Variants in CNGA1 observed in about 807,000 individuals in gnomAD.
The protein encoded by CNGA1 is cyclic nucleotide-gated channel alpha-1.
Under a neutral mutation model 69.7 loss-of-function variants are expected in CNGA1, and 53 were observed. The ratio of observed to expected loss-of-function variants is 0.76; its 90% CI spans 0.61 to 0.96. The LOEUF (loss-of-function observed/expected upper bound fraction) is 0.96, where lower values mean the gene tolerates loss of function less well. Ranked by LOEUF, CNGA1 falls within the 40% of genes least tolerant of loss-of-function variation. The probability of loss-of-function intolerance (pLI) is 0.00; values close to 1 mark genes in which losing one functional copy is unlikely to be tolerated. For missense variants in CNGA1, 739 were observed against 811.2 expected, an observed-to-expected ratio of 0.91 and a Z score of 1.08; for synonymous variants, 249 against 283.5, an observed-to-expected ratio of 0.88 and a Z score of 1.22.
Position 47,937,618 on chromosome 4 carries a change from T to G in CNGA1, c.864A>C (p.Thr288=), listed in dbSNP as rs760864470. 36 of 1,614,092 alleles carry G rather than the reference T, an allele frequency of 2.2e-5. No homozygotes were observed. Among genetic ancestry groups the G allele is most frequent in the Non-Finnish European group, 2.8e-5 (33 of 1,180,046 alleles). ...FEFFQRTETR[T]NYPNIFRISN... The stretch of plus-strand genomic sequence containing the variant: ...AAATCCTGAAGATGTTTGGATAGTT[T>G]GTCCTTGTTTCTGTTCTCTGGAAGA... Residue 288 remains threonine (T), a synonymous_variant, in exon 11 of 11, where the codon ACA becomes ACC. Transcript: ENST00000514170.
chr4:47,983,946 A>G (rs1741861864), intron 2 of CNGA1, among the ~76,000 whole-genome samples: 1 of 152,210 alleles, frequency 6.6e-6, no homozygotes, highest in Non-Finnish European at 1.5e-5. Flanking sequence ...GGCAACTAAA[A>G]GTACAGTATA....
intron 3 of CNGA1, chr4:47,971,145 C>T: frequency 4.5e-6 from 2 of 445,750 alleles, no homozygotes; most frequent in Non-Finnish European, 8.9e-6. Flanking sequence ...AGGAAATATA[C>T]ATATATATGT....
In CNGA1 at chr4:47,937,308, T is replaced by C. The variant is rs562266812; in HGVS notation, c.1174A>G (p.Ile392Val). 64 of 1,613,914 alleles carry C rather than the reference T, an allele frequency of 4.0e-5. 1 individual carries two copies. In the South Asian group the frequency reaches 6.4e-4, roughly 16 times the overall value. The change falls in exon 11 of 11, where the codon ATA (isoleucine) becomes GTA (valine). Residue 392 changes from isoleucine to valine, a missense_variant. Transcript: ENST00000514170. ...TTCATGTTGGAAATCATAGAACCTA[T>C]GTTACCAACGATGGTAGCAAAAATT... ...VLIFATIVGN[I>V]GSMISNMNAA...
chr4:47,949,636 G>T (rs1739623189), intron 6 of CNGA1, among the ~76,000 whole-genome samples, 197 bp downstream of exon 6: 1 of 152,128 alleles, frequency 6.6e-6, no homozygotes, highest in African/African-American at 2.4e-5. Context: ...GAACACTATA[G>T]ACATGATTTT....
intron 2 of CNGA1, among the ~76,000 whole-genome samples, chr4:48,006,564 A>AT (rs1204958602): frequency 6.6e-6 from 1 of 152,134 alleles, no homozygotes; most frequent in Non-Finnish European, 1.5e-5. Flanking sequence ...CAAATATGTC[A>AT]TTTTTTGACA....
chr4:47,997,859 T>C (rs975828041), intron 2 of CNGA1, among the ~76,000 whole-genome samples: 106 of 152,340 alleles, frequency 7.0e-4, no homozygotes, highest in African/African-American at 2.5e-3. Context: ...AGATGCTTCT[T>C]GACTTAAAAT....
intron 3 of CNGA1, among the ~76,000 whole-genome samples, chr4:47,962,432 A>T (rs1182785529): frequency 2.7e-5 from 4 of 149,886 alleles, no homozygotes; most frequent in Non-Finnish European, 5.9e-5. Flanking sequence ...GAAAAAAAAA[A>T]GTATACGTTT....
At chr4:47,977,266 G>A (rs895391797) in intron 3 of CNGA1, among the ~76,000 whole-genome samples, 2 of 152,100 alleles carry the variant, frequency 1.3e-5, no homozygotes, top group African/African-American at 2.4e-5. Flanking sequence ...AAGAGGAAAC[G>A]TGGACATACA....
intron 3 of CNGA1, among the ~76,000 whole-genome samples, chr4:47,980,169 C>T (rs770976936): frequency 7.9e-5 from 12 of 152,140 alleles, no homozygotes; most frequent in East Asian, 1.9e-4. Context: ...GGGAAAATGA[C>T]AATGAAATGA....
In CNGA1 at chr4:47,937,517, C is replaced by T; in HGVS notation, c.965G>A (p.Gly322Glu). 1 of 1,614,122 alleles carries T rather than the reference C, an allele frequency of 6.2e-7. No individual in the cohort carries two copies. Among genetic ancestry groups the T allele is most frequent in the Admixed American group, 1.7e-5 (1 of 60,014 alleles). ...CVFYSISKAI[G>E]FGNDTWVYPD... ...GTAGACCCATGTATCATTTCCAAAT[C>T]CAATAGCTTTAGAAATAGAGTAGAA... The change falls in exon 11 of 11, where the codon GGA becomes GAA. Residue 322 changes from glycine to glutamate, a missense_variant. Transcript: ENST00000514170.
rs113775409 is a variant in CNGA1 at position 47,980,805 on chromosome 4, G to A, written c.-15+588C>T. Among the ~76,000 whole-genome samples, 435 of 152,066 alleles carry A rather than the reference G, an allele frequency of 2.9e-3. 1 individual carries two copies. Among genetic ancestry groups the A allele is most frequent in the African/African-American group, 9.8e-3 (408 of 41,480 alleles). ...TGTTTTTTCTGATTAAAATATACAC[G>A]CTTATCACAGTTATTTAAAAGAAGG... On this transcript the variant is annotated intron_variant, in intron 3 of 10. Transcript: ENST00000514170.
At chr4:47,967,012 G>A (rs747928912) in intron 3 of CNGA1, among the ~76,000 whole-genome samples, 3 of 151,984 alleles carry the variant, frequency 2.0e-5, no homozygotes, top group Admixed American at 6.6e-5. Context: ...ATAATCTACA[G>A]TTAACATTGG....
chr4:47,988,422 A>AT (rs927257662), intron 2 of CNGA1, among the ~76,000 whole-genome samples: 5 of 151,964 alleles, frequency 3.3e-5, no homozygotes, highest in Admixed American at 1.3e-4. Context: ...ACACTTCTGT[A>AT]TTTTTTTTAC....
chr4:47,940,753 A>G lies in CNGA1; in HGVS notation c.652+10T>C, dbSNP rs1393140785. The G allele has an allele frequency of 6.7e-7, 1 of 1,495,290 alleles. No homozygotes were observed. Among genetic ancestry groups the G allele is most frequent in the South Asian group, 1.1e-5 (1 of 88,058 alleles). The allele number at this position is 1,495,290 out of a possible 1,614,324, so 92.6% of individuals were successfully genotyped here. ...GAAATTTTAAAATATTCAAAACTGA[A>G]CATATTTACCTGTCCTTGTTCGTAC... On this transcript the variant is annotated intron_variant, in intron 10 of 10. Coordinates refer to ENST00000514170, the MANE Select transcript of CNGA1 (RefSeq NM_001379270.1).
rs766717829 is a variant in CNGA1 at position 47,936,713 on chromosome 4, A to G, written c.1769T>C (p.Met590Thr). The G allele has an allele frequency of 5.6e-6, 9 of 1,614,176 alleles. No homozygotes were observed. The Admixed American group carries it at 1.5e-4, about 27-fold the overall frequency. The change falls in exon 11 of 11, where the codon ATG becomes ACG. Residue 590 changes from methionine to threonine, a missense_variant. Met to Thr is a moderately conservative substitution (Grantham distance 81). Coordinates refer to ENST00000514170, the MANE Select transcript of CNGA1 (RefSeq NM_001379270.1). The stretch of plus-strand genomic sequence containing the variant: ...AATCTGCTTCCCTTTCTCTTCCAGC[A>G]TAGTTTTGGCATCTGGGTACTCAGT... ...ALTEYPDAKT[M>T]LEEKGKQILM...
chr4:47,954,061 T>C (rs1739909554), intron 3 of CNGA1, among the ~76,000 whole-genome samples: 1 of 151,810 alleles, frequency 6.6e-6, no homozygotes, highest in Non-Finnish European at 1.5e-5. Context: ...CGGCTGAATG[T>C]CGAGAGGAAC....
chr4:47,996,550 G>C (rs912316172), intron 2 of CNGA1, among the ~76,000 whole-genome samples: 1 of 151,982 alleles, frequency 6.6e-6, no homozygotes, highest in Non-Finnish European at 1.5e-5. Flanking sequence ...ACCAGGCCTG[G>C]CACAAATTGA....
intron 2 of CNGA1, among the ~76,000 whole-genome samples, chr4:48,002,709 A>G (rs1367037710): frequency 6.6e-6 from 1 of 151,878 alleles, no homozygotes. Flanking sequence ...ACAAAAACAA[A>G]AAACCCTGAA....
chr4:47,971,669 G>A lies in CNGA1; in HGVS notation c.-15+9724C>T, dbSNP rs376094432. 5.6e-4 allele frequency among the ~76,000 whole-genome samples: 86 copies of A among 152,220 alleles called. 2 individuals are homozygous for A. The East Asian group carries it at 0.014, about 24-fold the overall frequency. On this transcript the variant is annotated intron_variant, in intron 3 of 10. Coordinates refer to ENST00000514170, the MANE Select transcript of CNGA1 (RefSeq NM_001379270.1). ...CAAACTTTGGGAGGCCAAGGTGGGC[G>A]GATCATTTGAGGTAAGGAGTTTCAG...
Sources: allele counts gnomAD v4.1 joint callset (sites outside exome capture counted in the v4.1 genomes callset), GRCh38; gene constraint gnomAD v4.1.1; transcripts MANE v1.5; gene names NCBI Gene and HGNC (gene_info 2026-07-23, HGNC 2026-07-21).